LRP1: variants seen among roughly 807,000 people sequenced by gnomAD.
LRP1 encodes the protein prolow-density lipoprotein receptor-related protein 1.
LRP1 carries 51 observed loss-of-function variants against 541.5 expected under a neutral mutation model. The ratio of observed to expected loss-of-function variants is 0.09; its 90% CI spans 0.08 to 0.12. LRP1 has a LOEUF of 0.12. LRP1 is among the 10% of genes least tolerant of loss of function. The pLI is 1.00. For missense variants in LRP1, 3,878 were observed against 6,376.2 expected (o/e 0.61, Z 13.34); for synonymous variants, 2,219 against 2,470.8 (o/e 0.90, Z 3.02).
Position 57,181,221 on chromosome 12 carries a change from G to A in LRP1, c.5592G>A (p.Thr1864=), listed in dbSNP as rs548350156. ...NGDCSQLCLP[T]SETTRSCMCT... is the part of the protein sequence containing the mutation. ...ACTGCTCCCAGCTCTGCCTGCCCAC[G>A]TCAGAGACGACCCGCTCCTGCATGT... is the stretch of plus-strand genomic sequence containing the variant. The change falls in exon 34 of 89, where the codon ACG becomes ACA. Residue 1864 remains threonine, a synonymous_variant. Coordinates refer to ENST00000243077, the MANE Select transcript of LRP1 (RefSeq NM_002332.3). 101 of 1,613,736 alleles carry A rather than the reference G, an allele frequency of 6.3e-5. 1 individual carries two copies. In the Middle Eastern group the frequency reaches 6.6e-4, roughly 11 times the overall value.
intron 34 of LRP1, 101 bp downstream of exon 34, chr12:57,181,392 T>A: frequency 1.4e-6 from 2 of 1,424,698 alleles, no homozygotes; most frequent in Non-Finnish European, 9.4e-7. Context: ...GGGACAAGAC[T>A]ACATTCGTCG....
intron 42 of LRP1, among the ~76,000 whole-genome samples, chr12:57,188,868 G>A (rs1240108432): frequency 1.3e-5 from 2 of 152,224 alleles, no homozygotes; most frequent in Non-Finnish European, 2.9e-5. Flanking sequence ...GAGGATGGCA[G>A]GAGTGGCTGG....
rs147978152 is a variant in LRP1, at chr12:57,146,851, C to T, written c.841+1361C>T. On this transcript the variant is annotated intron_variant, in intron 6 of 88. Transcript: ENST00000243077. ...GATGGGGTGGGATTGGTGCTAGACC[C>T]TCTTGTGCAGCTGCCCTCCCCCTGT... is the stretch of plus-strand genomic sequence containing the variant. 339 of 152,466 alleles carry T rather than the reference C, an allele frequency of 2.2e-3. 4 individuals are homozygous for T. The highest frequency in any genetic ancestry group is 8.9e-3 in the East Asian group (46 of 5,174). The allele number at this position is 152,466 out of a possible 1,614,324, so 9.4% of individuals were successfully genotyped here.
chr12:57,201,359 CTG>C lies in LRP1; in HGVS notation c.10346-137_10346-136del, dbSNP rs1296528926. 4.8e-5 allele frequency: 68 copies of C among 1,412,014 alleles called. No individual in the cohort carries two copies. The highest frequency in any genetic ancestry group is 1.8e-4 in the Admixed American group (8 of 44,008). 87.5% of individuals were successfully genotyped at this position (1,412,014 alleles called of 1,614,324 possible). A position where few individuals can be genotyped will look rare whatever the true frequency, so the allele number is the denominator to read the frequency against. On this transcript the variant is annotated intron_variant, in intron 65 of 88. Transcript: ENST00000243077. This position sits in a 1 kb window ranked among gnomAD's most constrained non-coding sequence, Gnocchi z 6.4. ...ATCCAGAAAACAAAAAGCACCAAAA[CTG>C]GGGATAAACTGTTCCTTCCTCCGAA...
intron 77 of LRP1, 46 bp downstream of exon 77, chr12:57,208,262 G>T (rs1292485482): frequency 6.3e-7 from 1 of 1,586,796 alleles, no homozygotes; most frequent in Non-Finnish European, 8.6e-7. Context: ...GTGGTAGGAA[G>T]CCCCCGGGAC....
intron 13 of LRP1, among the ~76,000 whole-genome samples, chr12:57,161,711 T>C (rs1805350961): frequency 6.6e-6 from 1 of 152,092 alleles, no homozygotes; most frequent in Non-Finnish European, 1.5e-5. Context: ...CCATTACTCA[T>C]GCAGTTCATT....
chr12:57,173,755 C>A lies in LRP1; in HGVS notation c.3347-25C>A, dbSNP rs376803186. 20 of 1,612,422 alleles carry A rather than the reference C, an allele frequency of 1.2e-5. No homozygotes were observed. The African/African-American group carries it at 2.7e-4, about 21-fold the overall frequency. The stretch of plus-strand genomic sequence containing the variant: ...GGGAGCCCCAGTCCCCGGGCCTGGG[C>A]CCTCATAGTGCACCTGTCCCTCAGC... On this transcript the variant is annotated intron_variant, in intron 21 of 88. Transcript: ENST00000243077. The surrounding 1 kb of genome is among the most constrained non-coding windows in gnomAD (Gnocchi z 4.7).
intron 42 of LRP1, among the ~76,000 whole-genome samples, chr12:57,190,373 T>C (rs556232584): frequency 1.6e-4 from 24 of 152,326 alleles, no homozygotes; most frequent in African/African-American, 5.5e-4. Context: ...TCTTCCACTC[T>C]CACATCCTGC....
intron 3 of LRP1, among the ~76,000 whole-genome samples, chr12:57,143,314 A>T (rs2035334637): frequency 6.6e-6 from 1 of 152,168 alleles, no homozygotes; most frequent in African/African-American, 2.4e-5. Flanking sequence ...TGTAATCCCC[A>T]GGCAGTGTAG....
chr12:57,197,329 G>A lies in LRP1; in HGVS notation c.9107G>A (p.Arg3036Gln), dbSNP rs2036557314. The A allele has an allele frequency of 1.9e-6, 3 of 1,614,060 alleles. No individual in the cohort carries two copies. Among genetic ancestry groups the A allele is most frequent in the Non-Finnish European group, 1.7e-6 (2 of 1,179,996 alleles). Residue 3036 changes from arginine to glutamine, a missense_variant, in exon 57 of 89, where the codon CGG becomes CAG. By Grantham distance (43) the Arg-to-Gln change is conservative. This residue lies in a region of LRP1 where 1,100 missense variants were observed against 1,827.4 expected (regional missense o/e 0.60). Coordinates refer to ENST00000243077, the MANE Select transcript of LRP1 (RefSeq NM_002332.3). This position sits in a 1 kb window ranked among gnomAD's most constrained non-coding sequence, Gnocchi z 4.5. ...GAACCGTTTCTGATCTTCGCCAACC[G>A]GTACTACCTGCGCAAGCTCAACCTG... ...DEEPFLIFAN[R>Q]YYLRKLNLDG...
rs775090032 is a variant in LRP1 at position 57,204,681 on chromosome 12, G to T, written c.11126G>T (p.Cys3709Phe). 1 of 1,614,082 alleles carries T rather than the reference G, an allele frequency of 6.2e-7. No individual in the cohort carries two copies. Among genetic ancestry groups the T allele is most frequent in the Non-Finnish European group, 8.5e-7 (1 of 1,180,030 alleles). ...TTCCGTTGCAAGAATGACCGCGTCT[G>T]TCTGTGGATCGGGCGCCAATGCGAT... ...RPFRCKNDRV[C>F]LWIGRQCDGT... The change falls in exon 72 of 89, where the codon TGT becomes TTT. Residue 3709 changes from cysteine (C) to phenylalanine (F), a missense_variant. By Grantham distance (205) the Cys-to-Phe change is radical. Transcript: ENST00000243077. This position sits in a 1 kb window ranked among gnomAD's most constrained non-coding sequence, Gnocchi z 5.3.
Position 57,202,543 on chromosome 12 carries a change from T to TGGGCCCCCCCCCCCCCCC in LRP1, c.10711+6_10711+7insGGGCCCCCCCCCCCCCCC. ...CTCCGATGAAGAGAGCTGCAGTACG[T>TGGGCCCCCCCCCCCCCCC]CCCCACCCACCCAGCCCCGCATGAG... On this transcript the variant is annotated splice_region_variant and intron_variant, in intron 68 of 88. Transcript: ENST00000243077. The TGGGCCCCCCCCCCCCCCC allele has an allele frequency of 6.6e-7, 1 of 1,523,606 alleles. No individual in the cohort carries two copies. The highest frequency in any genetic ancestry group is 8.9e-7 in the Non-Finnish European group (1 of 1,124,792). 94.4% of individuals were successfully genotyped at this position (1,523,606 alleles called of 1,614,324 possible). A position where few individuals can be genotyped will look rare whatever the true frequency, so the allele number is the denominator to read the frequency against.
intron 82 of LRP1, 102 bp downstream of exon 82, chr12:57,210,582 C>T (rs1204959883): frequency 6.2e-6 from 9 of 1,449,286 alleles, no homozygotes; most frequent in Non-Finnish European, 8.4e-6. Flanking sequence ...GCCTCGCCTC[C>T]AGCCTCCTTT....
rs2136686646 is a variant in LRP1, at chr12:57,165,579, C to CTT, written c.2531-226_2531-225insTT. ...TGGACACCATTTGATTCTCAGGTCACACTGAAGTACAGTAAGCATTAAGTA... is the reference window on the plus strand; with the variant it reads ...TGGACACCATTTGATTCTCAGGTCACTTACTGAAGTACAGTAAGCATTAAGTA... On this transcript the variant is annotated intron_variant, in intron 15 of 88. Coordinates refer to ENST00000243077, the MANE Select transcript of LRP1 (RefSeq NM_002332.3). The surrounding 1 kb of genome is among the most constrained non-coding windows in gnomAD (Gnocchi z 4.5). 1.9e-6 allele frequency: 1 copy of CTT among 526,866 alleles called. No individual in the cohort carries two copies. The highest frequency in any genetic ancestry group is 3.2e-5 in the Admixed American group (1 of 31,164). 32.6% of individuals were successfully genotyped at this position (526,866 alleles called of 1,614,324 possible).
At chr12:57,203,059 G>T in intron 68 of LRP1, 122 bp from the exon 69 acceptor site, 1 of 730,924 alleles carries the variant, frequency 1.4e-6, no homozygotes, top group Non-Finnish European at 2.2e-6. Flanking sequence ...TCGGCCTCTG[G>T]GTCAGTCAGC....
chr12:57,163,116 G>T, intron 15 of LRP1, 133 bp downstream of exon 15: 1 of 1,299,120 alleles, frequency 7.7e-7, no homozygotes, highest in Middle Eastern at 2.8e-4. Flanking sequence ...GGGCCAACAG[G>T]AAGCAAGGGA....
chr12:57,201,567 C>T lies in LRP1; in HGVS notation c.10416C>T (p.Val3472=), dbSNP rs1416533328. The T allele has an allele frequency of 6.2e-7, 1 of 1,613,994 alleles. No homozygotes were observed. Among genetic ancestry groups the T allele is most frequent in the Non-Finnish European group, 8.5e-7 (1 of 1,180,010 alleles). ...AACGGTGCATCCCCCGGGTCTGGGT[C>T]TGCGACCGGGACAATGACTGTGTGG... ...ITKRCIPRVW[V]CDRDNDCVDG... The change falls in exon 66 of 89, where the codon GTC becomes GTT. Residue 3472 remains valine, a synonymous_variant. Coordinates refer to ENST00000243077, the MANE Select transcript of LRP1 (RefSeq NM_002332.3). The surrounding 1 kb of genome is among the most constrained non-coding windows in gnomAD (Gnocchi z 6.4).
chr12:57,201,195 C>T lies in LRP1; in HGVS notation c.10345+42C>T, dbSNP rs749924789. On this transcript the variant is annotated intron_variant, in intron 65 of 88. Transcript: ENST00000243077. The surrounding 1 kb of genome is among the most constrained non-coding windows in gnomAD (Gnocchi z 6.4). Reference sequence around the variant, plus strand: ...GTGGTGGGCCGGTGGTGGGAGATGACACGGAAGCAGGGCAGGCAGAATCTC... The same window carrying T: ...GTGGTGGGCCGGTGGTGGGAGATGATACGGAAGCAGGGCAGGCAGAATCTC... The T allele has an allele frequency of 1.9e-6, 3 of 1,610,620 alleles. No individual in the cohort carries two copies. The highest frequency in any genetic ancestry group is 4.5e-5 in the East Asian group (2 of 44,768).
intron 13 of LRP1, among the ~76,000 whole-genome samples, chr12:57,161,809 TCA>T (rs1281591387): frequency 6.6e-6 from 1 of 152,090 alleles, no homozygotes; most frequent in African/African-American, 2.4e-5. Context: ...AGACCCCTCT[TCA>T]CACTGGATCA....
Sources: gnomAD v4.1 joint callset for allele counts (sites outside exome capture counted in the v4.1 genomes callset) on GRCh38, gnomAD v4.1.1 for gene constraint, gnomAD v4.1.1 regional missense constraint, Gnocchi (gnomAD v3.1) non-coding constraint, MANE v1.5 for transcripts, NCBI Gene and HGNC (gene_info 2026-07-23, HGNC 2026-07-21) for gene names.